Variants in PNPLA7 observed in about 807,000 individuals in gnomAD.
The protein encoded by PNPLA7 is patatin-like phospholipase domain-containing protein 7.
PNPLA7 carries 153 observed loss-of-function variants against 161.7 expected under a neutral mutation model. The ratio of observed to expected loss-of-function variants is 0.95; its 90% CI spans 0.83 to 1.08. PNPLA7 has a LOEUF of 1.08. Among genes scored for constraint, PNPLA7 ranks in the 50% least tolerant of loss-of-function variants. The pLI is 0.00. For synonymous variants in PNPLA7, 809 were observed against 782.1 expected (o/e 1.03, Z -0.57); for missense variants, 1,739 against 1,856.6 (o/e 0.94, Z 1.16).
At position 137,550,232 on chromosome 9, in the gene PNPLA7, G is replaced by T; in HGVS notation, c.-35C>A. The T allele has an allele frequency of 6.2e-7, 1 of 1,612,916 alleles. No individual in the cohort carries two copies. The highest frequency in any genetic ancestry group is 8.5e-7 in the Non-Finnish European group (1 of 1,179,808). ...CAGAAAAAACAGTCAGGGGCGAAAAGCAGACAGCCTGAAGCAAACAAGGGC... is the reference window on the plus strand; with the variant it reads ...CAGAAAAAACAGTCAGGGGCGAAAATCAGACAGCCTGAAGCAAACAAGGGC... On this transcript the variant is annotated 5_prime_UTR_variant, in exon 1 of 35. Transcript: ENST00000406427.
chr9:137,460,281 A>C lies in PNPLA7; in HGVS notation c.*112T>G, dbSNP rs929137701. 1.0e-4 allele frequency: 112 copies of C among 1,092,642 alleles called. No individual in the cohort carries two copies. In the African/African-American group the frequency reaches 1.2e-3, roughly 12 times the overall value. The allele number at this position is 1,092,642 out of a possible 1,614,324, so 67.7% of individuals were successfully genotyped here. A position where few individuals can be genotyped will look rare whatever the true frequency, so the allele number is the denominator to read the frequency against. On this transcript the variant is annotated 3_prime_UTR_variant, in exon 35 of 35. Transcript: ENST00000406427. The stretch of plus-strand genomic sequence containing the variant: ...CTAACACAGCCTGGGGCCCCGGGGA[A>C]GTCAGGGCTTCCAGCAGGGCAGGTA...
At chr9:137,529,470 G>A (rs548323161) in intron 8 of PNPLA7, among the ~76,000 whole-genome samples, 21 of 152,186 alleles carry the variant, frequency 1.4e-4, no homozygotes, top group African/African-American at 4.1e-4. Context: ...ATAATTTTCC[G>A]GAGAATGTTG....
At chr9:137,505,223 T>C (rs1343918187) in intron 14 of PNPLA7, among the ~76,000 whole-genome samples, 1 of 143,340 alleles carries the variant, frequency 7.0e-6, no homozygotes, top group Non-Finnish European at 1.5e-5. Context: ...TTCCATCATA[T>C]GTAAGAAATT....
intron 12 of PNPLA7, among the ~76,000 whole-genome samples, chr9:137,510,184 C>T (rs534082417): frequency 2.4e-4 from 36 of 152,170 alleles, no homozygotes; most frequent in Non-Finnish European, 3.4e-4. Context: ...CTTAGCAGAC[C>T]GGGAAAGGGA....
At chr9:137,471,303 A>C (rs1214268222) in intron 25 of PNPLA7, among the ~76,000 whole-genome samples, 1 of 152,236 alleles carries the variant, frequency 6.6e-6, no homozygotes, top group Admixed American at 6.5e-5. Context: ...AATGAAGTCT[A>C]AAAGATACCA....
At chr9:137,532,696 G>C (rs773737446) in intron 8 of PNPLA7, among the ~76,000 whole-genome samples, 1 of 152,178 alleles carries the variant, frequency 6.6e-6, no homozygotes, top group African/African-American at 2.4e-5. Flanking sequence ...TCACTGCAGA[G>C]CCAGAACGAG....
intron 29 of PNPLA7, 112 bp from the exon 30 acceptor site, chr9:137,462,945 G>T: frequency 7.1e-7 from 1 of 1,403,020 alleles, no homozygotes; most frequent in African/African-American, 1.4e-5. Flanking sequence ...TCTCCTCTCC[G>T]CCATTACACC....
At chr9:137,519,591 T>C (rs1834878755) in intron 11 of PNPLA7, among the ~76,000 whole-genome samples, 1 of 151,728 alleles carries the variant, frequency 6.6e-6, no homozygotes, top group Admixed American at 6.6e-5. Context: ...TCTGAGGACA[T>C]CCAGCCCGCA....
chr9:137,462,965 C>G, intron 29 of PNPLA7, 132 bp from the exon 30 acceptor site: 1 of 1,259,100 alleles, frequency 7.9e-7, no homozygotes, highest in African/African-American at 1.5e-5. Flanking sequence ...CTTCTAGAGG[C>G]AGAAGACCCA....
rs1014185993 is a variant in PNPLA7, at chr9:137,505,694, C to T, written c.1393G>A (p.Asp465Asn). Residue 465 changes from aspartate (D) to asparagine (N), a missense_variant, in exon 14 of 35, where the codon GAT becomes AAT. By Grantham distance (23) the Asp-to-Asn change is conservative (BLOSUM62 1). Transcript: ENST00000406427. ...TVSQHSESHT[D>N]ETLASRKSDA... ...GACTTCCTGCTGGCCAGGGTCTCATCCGTGTGACTCTCTGAGTGCTGGGAG... is the reference window on the plus strand; with the variant it reads ...GACTTCCTGCTGGCCAGGGTCTCATTCGTGTGACTCTCTGAGTGCTGGGAG... 4 of 1,614,006 alleles carry T rather than the reference C, an allele frequency of 2.5e-6. No homozygotes were observed. The highest frequency in any genetic ancestry group is 3.3e-5 in the Admixed American group (2 of 60,010).
chr9:137,492,264 G>A, intron 20 of PNPLA7: 1 of 985,194 alleles, frequency 1.0e-6, no homozygotes, highest in Non-Finnish European at 1.2e-6. Context: ...ACAGGAGAGA[G>A]AGCACTCTCC....
In PNPLA7 at chr9:137,547,542, C is replaced by G; in HGVS notation, c.105+43G>C. The stretch of plus-strand genomic sequence containing the variant: ...GGACAGGGAGAGGTGAAAAAGGCCA[C>G]GGCCCATCCAGGTCTGGCTCCAGGG... On this transcript the variant is annotated intron_variant, in intron 2 of 34. Transcript: ENST00000406427. This position sits in a 1 kb window ranked among gnomAD's most constrained non-coding sequence, Gnocchi z 4.6. The G allele has an allele frequency of 6.2e-7, 1 of 1,606,982 alleles. No individual in the cohort carries two copies.
At chr9:137,513,353 G>A (rs909741926) in intron 12 of PNPLA7, among the ~76,000 whole-genome samples, 1 of 151,908 alleles carries the variant, frequency 6.6e-6, no homozygotes. Flanking sequence ...AGCCAGTTGT[G>A]GTGACACCTG....
rs763505847 is a variant in PNPLA7, at chr9:137,546,914, A to AG, written c.194-6dup. The AG allele has an allele frequency of 5.9e-4, 954 of 1,613,412 alleles. No homozygotes were observed. Among genetic ancestry groups the AG allele is most frequent in the Non-Finnish European group, 7.7e-4 (912 of 1,179,820 alleles). On this transcript the variant is annotated splice_polypyrimidine_tract_variant and splice_region_variant and intron_variant, in intron 3 of 34. Transcript: ENST00000406427. ...GAGGAGTGGGCTGTGCTTGTCCTGC[A>AG]GGGGAGTAAAGGGATGGCCTGAGGT...
intron 18 of PNPLA7, 68 bp from the exon 19 acceptor site, chr9:137,495,214 A>C: frequency 5.9e-6 from 7 of 1,188,786 alleles, no homozygotes; most frequent in South Asian, 4.1e-5. Context: ...CCTGTCCCTG[A>C]CAGCCTCCGG....
At position 137,497,248 on chromosome 9, in the gene PNPLA7, C is replaced by A; in HGVS notation, c.1952G>T (p.Arg651Leu). The stretch of plus-strand genomic sequence containing the variant: ...CAGGCGCTTCTTCCCATCATCCTTC[C>A]GGATCACAGAGCGCAGCCGGCCGCT... ...MLSGRLRSVIRKDDGKKRLAG... is the reference protein window; with the variant it reads ...MLSGRLRSVILKDDGKKRLAG... The change falls in exon 18 of 35, where the codon CGG becomes CTG. Residue 651 changes from arginine to leucine, a missense_variant. By Grantham distance (102) the Arg-to-Leu change is moderately radical. This residue lies in a region of PNPLA7 where 481 missense variants were observed against 450.0 expected (regional missense o/e 1.07). Coordinates refer to ENST00000406427, the MANE Select transcript of PNPLA7 (RefSeq NM_001098537.3). The A allele has an allele frequency of 6.3e-7, 1 of 1,592,898 alleles. No homozygotes were observed.
chr9:137,464,739 A>C (rs573665441), intron 26 of PNPLA7: 1 of 441,222 alleles, frequency 2.3e-6, no homozygotes, highest in Non-Finnish European at 4.2e-6. Context: ...CAGCGCCCCC[A>C]TGCCTGGGGC....
intron 25 of PNPLA7, among the ~76,000 whole-genome samples, chr9:137,470,287 A>T (rs1439611872): frequency 6.6e-6 from 1 of 152,196 alleles, no homozygotes; most frequent in East Asian, 1.9e-4. Context: ...AAGTGCTGGG[A>T]TTACAGGTGT....
Position 137,467,514 on chromosome 9 carries a change from GC to G in PNPLA7, c.2883-42del, listed in dbSNP as rs762416040. ...ACACAGAGCAAGGAGTGAGTACCAG[GC>G]CCAGGCTGCGCCCTGCAGAGGCCTT... is the stretch of plus-strand genomic sequence containing the variant. On this transcript the variant is annotated intron_variant, in intron 25 of 34. Transcript: ENST00000406427. This position sits in a 1 kb window ranked among gnomAD's most constrained non-coding sequence, Gnocchi z 5.1. 323 of 1,603,516 alleles carry G rather than the reference GC, an allele frequency of 2.0e-4. No homozygotes were observed. Among genetic ancestry groups the G allele is most frequent in the Non-Finnish European group, 2.6e-4 (307 of 1,175,242 alleles).
Sources: allele counts gnomAD v4.1 joint callset (sites outside exome capture counted in the v4.1 genomes callset), GRCh38; gene constraint gnomAD v4.1.1; regional missense constraint gnomAD v4.1.1; non-coding constraint Gnocchi (gnomAD v3.1); transcripts MANE v1.5; gene names NCBI Gene and HGNC (gene_info 2026-07-23, HGNC 2026-07-21).